Variants in GIT1 observed in about 807,000 individuals in gnomAD.
GIT1 encodes the protein GIT ArfGAP 1.
In GIT1, 14 loss-of-function variants were observed where a neutral mutation model predicts 91.7. The ratio of observed to expected loss-of-function variants is 0.15; its 90% CI spans 0.10 to 0.24. The LOEUF (loss-of-function observed/expected upper bound fraction) is 0.24, where lower values mean the gene tolerates loss of function less well. Among genes scored for constraint, GIT1 ranks in the 10% least tolerant of loss-of-function variants. The pLI, the probability that GIT1 is intolerant of heterozygous loss-of-function variation, is 1.00. For synonymous variants in GIT1, 414 were observed against 418.2 expected (o/e 0.99, Z 0.12); for missense variants, 717 against 1,024.9 (o/e 0.70, Z 4.10).
chr17:29,587,938 C>T (rs1273368579), intron 1 of GIT1, among the ~76,000 whole-genome samples: 1 of 152,168 alleles, frequency 6.6e-6, no homozygotes, highest in African/African-American at 2.4e-5. Context: ...GCCTGCAGCT[C>T]GGGGAACGGA....
intron 1 of GIT1, among the ~76,000 whole-genome samples, chr17:29,588,624 G>T (rs2033681863): frequency 6.6e-6 from 1 of 152,130 alleles, no homozygotes; most frequent in Admixed American, 6.5e-5. Flanking sequence ...TCCCAAGCAG[G>T]CCTTACCGGT....
intron 7 of GIT1, chr17:29,579,069 C>T (rs1352563809): frequency 3.1e-6 from 4 of 1,274,794 alleles, no homozygotes; most frequent in Non-Finnish European, 4.6e-6. Flanking sequence ...CACGCCTTTT[C>T]ACATCAGGCC....
chr17:29,576,144 G>T lies in GIT1; in HGVS notation c.1612-13C>A, dbSNP rs376729227. The T allele has an allele frequency of 4.3e-6, 7 of 1,613,372 alleles. No homozygotes were observed. Among genetic ancestry groups the T allele is most frequent in the Non-Finnish European group, 5.9e-6 (7 of 1,179,796 alleles). On this transcript the variant is annotated splice_polypyrimidine_tract_variant and intron_variant, in intron 14 of 19. Transcript: ENST00000225394. Reference sequence around the variant, plus strand: ...CGTCCTCTAGCTCCTGGGGATGTTAGCACAGCGAGCGTCATGGTGGACCCT... The same window carrying T: ...CGTCCTCTAGCTCCTGGGGATGTTATCACAGCGAGCGTCATGGTGGACCCT...
At position 29,573,649 on chromosome 17, in the gene GIT1, C is replaced by T. The variant is rs1482241549; in HGVS notation, c.*1053G>A. 6.6e-6 allele frequency: 1 copy of T among 152,566 alleles called. No individual in the cohort carries two copies. Among genetic ancestry groups the T allele is most frequent in the Admixed American group, 6.5e-5 (1 of 15,288 alleles). The allele number at this position is 152,566 out of a possible 1,614,324, so 9.5% of individuals were successfully genotyped here. On this transcript the variant is annotated 3_prime_UTR_variant, in exon 20 of 20. Coordinates refer to ENST00000225394, the MANE Select transcript of GIT1 (RefSeq NM_014030.4). ...AGGCTGCAGCCAGGTTCCCAGGCCT[C>T]CAGAGGGTGGGACCACAGCAGGTGC...
chr17:29,585,150 G>A (rs905543104), intron 1 of GIT1, among the ~76,000 whole-genome samples: 2 of 151,928 alleles, frequency 1.3e-5, no homozygotes, highest in Non-Finnish European at 2.9e-5. Context: ...TTCGCCAAGA[G>A]GGGGAGCCCT....
rs1402258592 is a variant in GIT1, at chr17:29,576,125, C to G, written c.1618G>C (p.Glu540Gln). 4 of 1,613,704 alleles carry G rather than the reference C, an allele frequency of 2.5e-6. No homozygotes were observed. The highest frequency in any genetic ancestry group is 1.6e-4 in the Middle Eastern group (1 of 6,082). ...RLQPFHSTEL[E>Q]DDAIYSVHVP... ...TGCACTGAATAGATGGCGTCGTCCT[C>G]TAGCTCCTGGGGATGTTAGCACAGC... Residue 540 changes from glutamate to glutamine, a missense_variant, in exon 15 of 20, where the codon GAG becomes CAG. Coordinates refer to ENST00000225394, the MANE Select transcript of GIT1 (RefSeq NM_014030.4).
At chr17:29,578,849 A>C in intron 7 of GIT1, 70 bp from the exon 8 acceptor site, 3 of 1,558,894 alleles carry the variant, frequency 1.9e-6, no homozygotes, top group Non-Finnish European at 1.8e-6. Context: ...CCATGCCAGC[A>C]ACCTCCCCAA....
intron 7 of GIT1, 75 bp from the exon 8 acceptor site, chr17:29,578,854 C>T (rs1039118478): frequency 1.9e-6 from 3 of 1,565,638 alleles, no homozygotes; most frequent in East Asian, 4.5e-5. Context: ...CCAGCAACCT[C>T]CCCAACATGC....
rs369478533 is a variant in GIT1, at chr17:29,575,257, C to T, written c.2009+31G>A. The stretch of plus-strand genomic sequence containing the variant: ...ACACCCTAGAAGCCAACAGGAACTG[C>T]ATCCCCCTCACCTCCCCCTCCACTC... On this transcript the variant is annotated intron_variant, in intron 18 of 19. Transcript: ENST00000225394. The surrounding 1 kb of genome is among the most constrained non-coding windows in gnomAD (Gnocchi z 5.5). The T allele has an allele frequency of 1.9e-6, 3 of 1,590,118 alleles. No individual in the cohort carries two copies. The highest frequency in any genetic ancestry group is 2.6e-6 in the Non-Finnish European group (3 of 1,165,156).
chr17:29,575,476 G>A lies in GIT1; in HGVS notation c.1827-6C>T. On this transcript the variant is annotated splice_region_variant and splice_polypyrimidine_tract_variant and intron_variant, in intron 17 of 19. Coordinates refer to ENST00000225394, the MANE Select transcript of GIT1 (RefSeq NM_014030.4). The surrounding 1 kb of genome is among the most constrained non-coding windows in gnomAD (Gnocchi z 5.5). ...GAAACCTCTTCCCTTCCAGCCTGAG[G>A]CCCAGGTCCAGAAAACAGAGACAAA... The A allele has an allele frequency of 1.3e-6, 2 of 1,596,860 alleles. No homozygotes were observed. The highest frequency in any genetic ancestry group is 8.5e-7 in the Non-Finnish European group (1 of 1,171,620).
chr17:29,584,325 T>G (rs1021390591), intron 1 of GIT1, among the ~76,000 whole-genome samples: 1 of 152,208 alleles, frequency 6.6e-6, no homozygotes, highest in East Asian at 1.9e-4. Flanking sequence ...GCGAGGCTAA[T>G]GAGTAGAATT....
Position 29,575,965 on chromosome 17 carries a change from A to T in GIT1, c.1666-67T>A. The T allele has an allele frequency of 6.5e-7, 1 of 1,528,652 alleles. No homozygotes were observed. Among genetic ancestry groups the T allele is most frequent in the South Asian group, 1.1e-5 (1 of 88,564 alleles). 94.7% of individuals were successfully genotyped at this position (1,528,652 alleles called of 1,614,324 possible). A position where few individuals can be genotyped will look rare whatever the true frequency, so the allele number is the denominator to read the frequency against. Reference sequence around the variant, plus strand: ...CTGCCCCCCTGCTCACCAGCAGTGCAGCAGGGACCAGGTCAGTCTAATCAT... The same window carrying T: ...CTGCCCCCCTGCTCACCAGCAGTGCTGCAGGGACCAGGTCAGTCTAATCAT... On this transcript the variant is annotated intron_variant, in intron 15 of 19. Transcript: ENST00000225394. This position sits in a 1 kb window ranked among gnomAD's most constrained non-coding sequence, Gnocchi z 5.5.
chr17:29,577,839 G>A (rs993476865), intron 9 of GIT1, 97 bp from the exon 10 acceptor site: 19 of 753,606 alleles, frequency 2.5e-5, no homozygotes, highest in Admixed American at 1.2e-4. Flanking sequence ...CTGCCCCCAC[G>A]CCTACTGAGC....
chr17:29,589,455 C>G lies in GIT1; in HGVS notation c.-77G>C. The G allele has an allele frequency of 2.0e-6, 1 of 504,458 alleles. No homozygotes were observed. The highest frequency in any genetic ancestry group is 2.5e-6 in the Non-Finnish European group (1 of 392,722). 31.2% of individuals were successfully genotyped at this position (504,458 alleles called of 1,614,324 possible). A position where few individuals can be genotyped will look rare whatever the true frequency, so the allele number is the denominator to read the frequency against. On this transcript the variant is annotated 5_prime_UTR_variant, in exon 1 of 20. Coordinates refer to ENST00000225394, the MANE Select transcript of GIT1 (RefSeq NM_014030.4). This position sits in a 1 kb window ranked among gnomAD's most constrained non-coding sequence, Gnocchi z 5.2. The stretch of plus-strand genomic sequence containing the variant: ...CGGCGGGCCCGGGCGGCGGCGGCGG[C>G]CCCTGCTGCCCGGCCCGGCTCCGGC...
At chr17:29,584,994 G>A (rs184110545) in intron 1 of GIT1, among the ~76,000 whole-genome samples, 37 of 118,654 alleles carry the variant, frequency 3.1e-4, no homozygotes, top group Admixed American at 7.7e-4. Context: ...ACGGAGTCCC[G>A]CTCTGTCGCC....
chr17:29,587,650 C>T (rs2033631751), intron 1 of GIT1, among the ~76,000 whole-genome samples: 1 of 152,206 alleles, frequency 6.6e-6, no homozygotes, highest in South Asian at 2.1e-4. Context: ...CAGAATCAGA[C>T]CACAGATTCG....
chr17:29,576,423 G>T lies in GIT1; in HGVS notation c.1408C>A (p.Gln470Lys). 2 of 1,612,986 alleles carry T rather than the reference G, an allele frequency of 1.2e-6. No homozygotes were observed. The highest frequency in any genetic ancestry group is 1.7e-6 in the Non-Finnish European group (2 of 1,179,712). Reference sequence around the variant, plus strand: ...ACCGGCCCTGGAGGCTGCCGGAGCTGCAGGTTCTCCGCCTGCAGCTTGTGG... The same window carrying T: ...ACCGGCCCTGGAGGCTGCCGGAGCTTCAGGTTCTCCGCCTGCAGCTTGTGG... ...EIHKLQAENLQLRQPPGPVPT... is the reference protein window; with the variant it reads ...EIHKLQAENLKLRQPPGPVPT... The change falls in exon 14 of 20, where the codon CAG (glutamine) becomes AAG (lysine). Residue 470 changes from glutamine to lysine, a missense_variant. Around this residue, in one of 3 missense-constraint regions of GIT1, gnomAD observed 312 missense variants for 349.5 expected, o/e 0.89. Transcript: ENST00000225394.
chr17:29,575,641 G>T lies in GIT1; in HGVS notation c.1815C>A (p.Asp605Glu). 6.2e-7 allele frequency: 1 copy of T among 1,611,986 alleles called. No homozygotes were observed. Among genetic ancestry groups the T allele is most frequent in the South Asian group, 1.1e-5 (1 of 91,084 alleles). ...DSDYENTQSGDPLLGLEGKRF... is the reference protein window; with the variant it reads ...DSDYENTQSGEPLLGLEGKRF... ...CCAGGGAGCCTCACCCCAGCAGTGG[G>T]TCCCCACTTTGCGTGTTCTCATAGT... The change falls in exon 17 of 20, where the codon GAC (aspartate) becomes GAA (glutamate). Residue 605 changes from aspartate (D) to glutamate (E), a missense_variant. Asp to Glu is a conservative substitution (Grantham distance 45). Transcript: ENST00000225394. The surrounding 1 kb of genome is among the most constrained non-coding windows in gnomAD (Gnocchi z 5.5).
rs946835453 is a variant in GIT1, at chr17:29,573,522, G to C, written c.*1180C>G. ...GATACAAATGTACATGACACGTCTT[G>C]ACAGCCCACCCACCACCACACAGGT... is the stretch of plus-strand genomic sequence containing the variant. On this transcript the variant is annotated 3_prime_UTR_variant, in exon 20 of 20. Coordinates refer to ENST00000225394, the MANE Select transcript of GIT1 (RefSeq NM_014030.4). 2 of 152,570 alleles carry C rather than the reference G, an allele frequency of 1.3e-5. No individual in the cohort carries two copies. Among genetic ancestry groups the C allele is most frequent in the African/African-American group, 4.8e-5 (2 of 41,442 alleles). 9.5% of individuals were successfully genotyped at this position (152,570 alleles called of 1,614,324 possible).
Sources: gnomAD v4.1 joint callset for allele counts (sites outside exome capture counted in the v4.1 genomes callset) on GRCh38, gnomAD v4.1.1 for gene constraint, gnomAD v4.1.1 regional missense constraint, Gnocchi (gnomAD v3.1) non-coding constraint, MANE v1.5 for transcripts, NCBI Gene and HGNC (gene_info 2026-07-23, HGNC 2026-07-21) for gene names.